BRINP1: variants seen among roughly 807,000 people sequenced by gnomAD.
The protein encoded by BRINP1 is BMP/retinoic acid inducible neural specific 1.
A neutral mutation model predicts 72.9 loss-of-function variants in BRINP1; 17 were observed. The observed-to-expected ratio is 0.23, with a 90% CI of 0.16 to 0.35. The LOEUF (loss-of-function observed/expected upper bound fraction) is 0.35. Among genes scored for constraint, BRINP1 ranks in the 10% least tolerant of loss-of-function variants. The pLI, the probability that BRINP1 is intolerant of heterozygous loss-of-function variation, is 1.00. For missense variants in BRINP1, 850 were observed against 1,001.6 expected (o/e 0.85, Z 2.04); for synonymous variants, 418 against 378.5 (o/e 1.10, Z -1.21).
chr9:119,181,855 C>T (rs1744027983), intron 7 of BRINP1, among the ~76,000 whole-genome samples: 1 of 152,144 alleles, frequency 6.6e-6, no homozygotes, highest in African/African-American at 2.4e-5. Flanking sequence ...GAGTTAATTG[C>T]TTGTCCTTTC....
chr9:119,350,502 C>T (rs1831496438), intron 1 of BRINP1, among the ~76,000 whole-genome samples: 1 of 152,110 alleles, frequency 6.6e-6, no homozygotes. Context: ...TAAGATCAGC[C>T]ACATGGGTTT....
intron 2 of BRINP1, among the ~76,000 whole-genome samples, chr9:119,273,044 G>A (rs754867336): frequency 4.6e-5 from 7 of 152,248 alleles, no homozygotes; most frequent in South Asian, 2.1e-4. Flanking sequence ...GGGCCCTGAT[G>A]TTTCCTGCAC....
At chr9:119,228,385 G>C (rs540120856) in intron 5 of BRINP1, among the ~76,000 whole-genome samples, 3 of 151,932 alleles carry the variant, frequency 2.0e-5, no homozygotes, top group Admixed American at 2.0e-4. Flanking sequence ...TGTAAAATTG[G>C]CAAGGAAAAA....
intron 6 of BRINP1, among the ~76,000 whole-genome samples, chr9:119,212,719 A>C (rs950397587): frequency 6.6e-6 from 1 of 152,232 alleles, no homozygotes; most frequent in Non-Finnish European, 1.5e-5. Flanking sequence ...CAGGTACTTG[A>C]GCACATATTA....
chr9:119,230,084 A>C (rs1406040605), intron 5 of BRINP1, among the ~76,000 whole-genome samples: 4 of 148,490 alleles, frequency 2.7e-5, no homozygotes, highest in African/African-American at 4.9e-5. Context: ...AGAGAGATGA[A>C]AAGTTCAGGA....
chr9:119,254,189 G>C (rs1830422942), intron 2 of BRINP1, among the ~76,000 whole-genome samples: 1 of 152,186 alleles, frequency 6.6e-6, no homozygotes, highest in Non-Finnish European at 1.5e-5. Flanking sequence ...TTGCTCTCAA[G>C]GGGCATACAT....
chr9:119,172,139 G>GAAATAACTAAAAT (rs1829419590), intron 7 of BRINP1, among the ~76,000 whole-genome samples: 2 of 151,380 alleles, frequency 1.3e-5, no homozygotes, highest in African/African-American at 4.9e-5. Context: ...AATCAGAGCA[G>GAAATAACTAAAAT]AACTGAAGGA....
chr9:119,200,883 C>T (rs143327366), intron 7 of BRINP1, among the ~76,000 whole-genome samples: 257 of 151,972 alleles, frequency 1.7e-3, no homozygotes, highest in South Asian at 6.9e-3. Flanking sequence ...GCAGAAGGAG[C>T]AGCCCATGTG....
At chr9:119,325,843 C>T (rs911599792) in intron 1 of BRINP1, among the ~76,000 whole-genome samples, 8 of 152,304 alleles carry the variant, frequency 5.3e-5, no homozygotes, top group South Asian at 2.1e-4. Context: ...TGCTTCCACA[C>T]CCCATCCTCA....
At chr9:119,291,743 C>G (rs908979016) in intron 2 of BRINP1, among the ~76,000 whole-genome samples, 4 of 152,160 alleles carry the variant, frequency 2.6e-5, no homozygotes, top group Admixed American at 2.0e-4. Context: ...CTGAGGATGT[C>G]TTTCACACAG....
chr9:119,258,656 G>T (rs1453928197), intron 2 of BRINP1, among the ~76,000 whole-genome samples: 2 of 152,168 alleles, frequency 1.3e-5, no homozygotes. Flanking sequence ...CAGCACCATT[G>T]GTGGCAAGAG....
Position 119,369,275 on chromosome 9 carries a change from G to A in BRINP1, c.-270C>T, listed in dbSNP as rs985106698. 3 of 398,694 alleles carry A rather than the reference G, an allele frequency of 7.5e-6. No homozygotes were observed. Among genetic ancestry groups the A allele is most frequent in the Non-Finnish European group, 1.3e-5 (3 of 226,212 alleles). 24.7% of individuals were successfully genotyped at this position (398,694 alleles called of 1,614,324 possible). ...GGCATGAATCCCGGCTCCGGAAGGC[G>A]GTCACTACTCCCTCTGCCTCCCGGC... On this transcript the variant is annotated 5_prime_UTR_variant, in exon 1 of 8. Transcript: ENST00000265922.
At chr9:119,366,108 A>G (rs180973503) in intron 1 of BRINP1, among the ~76,000 whole-genome samples, 4 of 151,984 alleles carry the variant, frequency 2.6e-5, no homozygotes, top group Admixed American at 2.0e-4. Context: ...GGAGAACACA[A>G]TTTGGTGTGG....
rs756000680 is a variant in BRINP1, at chr9:119,269,555, A to C, written c.219-20405T>G. On this transcript the variant is annotated intron_variant, in intron 2 of 7. Coordinates refer to ENST00000265922, the MANE Select transcript of BRINP1 (RefSeq NM_014618.3). Reference sequence around the variant, plus strand: ...CCCTGTTTAAAACTAACATTTATTCAGTGCCTTCTAGTTTACAAAGCACAT... The same window carrying C: ...CCCTGTTTAAAACTAACATTTATTCCGTGCCTTCTAGTTTACAAAGCACAT... Among the ~76,000 whole-genome samples the C allele has an allele frequency of 4.6e-5, 7 of 152,264 alleles. No homozygotes were observed. The South Asian group carries it at 8.3e-4, about 18-fold the overall frequency.
At chr9:119,255,954 CAAAAAAA>C (rs58972395) in intron 2 of BRINP1, among the ~76,000 whole-genome samples, 59 of 53,502 alleles carry the variant, frequency 1.1e-3, no homozygotes, top group African/African-American at 4.5e-3. Flanking sequence ...GACTCCAGCT[CAAAAAAA>C]AAAAAAAAAA....
In BRINP1 at chr9:119,355,258, C is replaced by T. The variant is rs140288487; in HGVS notation, c.-51+13798G>A. Among the ~76,000 whole-genome samples, 78 of 152,142 alleles carry T rather than the reference C, an allele frequency of 5.1e-4. 1 individual carries two copies. Among genetic ancestry groups the T allele is most frequent in the Non-Finnish European group, 8.4e-4 (57 of 68,008 alleles). On this transcript the variant is annotated intron_variant, in intron 1 of 7. Coordinates refer to ENST00000265922, the MANE Select transcript of BRINP1 (RefSeq NM_014618.3). ...ATCATGCTCTATATGATATTTTGAACCTTATGCTTTTTAAAATTGGTAATT... is the reference window on the plus strand; with the variant it reads ...ATCATGCTCTATATGATATTTTGAATCTTATGCTTTTTAAAATTGGTAATT...
chr9:119,195,554 G>A (rs1247071308), intron 7 of BRINP1, among the ~76,000 whole-genome samples: 1 of 152,164 alleles, frequency 6.6e-6, no homozygotes, highest in Non-Finnish European at 1.5e-5. Flanking sequence ...TATACATAAG[G>A]TATTTGTCTT....
chr9:119,176,977 T>C (rs1433478217), intron 7 of BRINP1, among the ~76,000 whole-genome samples: 1 of 152,124 alleles, frequency 6.6e-6, no homozygotes, highest in African/African-American at 2.4e-5. Context: ...CTGACAGTAT[T>C]CAAAACACTG....
chr9:119,231,216 A>G (rs572587106), intron 5 of BRINP1, among the ~76,000 whole-genome samples: 1 of 152,220 alleles, frequency 6.6e-6, no homozygotes, highest in South Asian at 2.1e-4. Flanking sequence ...AAGATCAAGA[A>G]AATGTCTCCA....
Sources: allele counts gnomAD v4.1 joint callset (sites outside exome capture counted in the v4.1 genomes callset), GRCh38; gene constraint gnomAD v4.1.1; transcripts MANE v1.5; gene names NCBI Gene and HGNC (gene_info 2026-07-23, HGNC 2026-07-21).